The following PTBP3 variants were observed in gnomAD, a reference collection of about 807,000 sequenced individuals.
PTBP3 encodes the protein polypyrimidine tract-binding protein 3.
A neutral mutation model predicts 58.7 loss-of-function variants in PTBP3; 20 were observed. The ratio of observed to expected loss-of-function variants is 0.34; its 90% CI spans 0.24 to 0.50. The LOEUF (loss-of-function observed/expected upper bound fraction) is 0.50. Among genes scored for constraint, PTBP3 ranks in the 20% least tolerant of loss-of-function variants. PTBP3 has a pLI of 0.98. For synonymous variants in PTBP3, 185 were observed against 219.8 expected, an observed-to-expected ratio of 0.84 and a Z score of 1.40; for missense variants, 509 against 637.2, an observed-to-expected ratio of 0.80 and a Z score of 2.17.
chr9:112,378,852 G>A, the PTBP3 span, among the ~76,000 whole-genome samples: 4 of 152,198 alleles, frequency 2.6e-5, no homozygotes, highest in Non-Finnish European at 5.9e-5. Flanking sequence ...AGTCGGGCAG[G>A]TGATATGCAG....
At chr9:112,228,566 C>A in intron 10 of PTBP3, 94 bp from the exon 11 acceptor site, 6 of 770,078 alleles carry the variant, frequency 7.8e-6, no homozygotes, top group South Asian at 2.4e-5. Context: ...ATTTCTTACT[C>A]TCCCTTGGCA....
At chr9:112,377,361 A>G in the PTBP3 span, among the ~76,000 whole-genome samples, 3 of 152,284 alleles carry the variant, frequency 2.0e-5, no homozygotes, top group African/African-American at 7.2e-5. Flanking sequence ...AAAAAACAAA[A>G]CAAAACGAAA....
At position 112,333,500 on chromosome 9, in the gene PTBP3, G is replaced by C; in HGVS notation, c.-82C>G. On this transcript the variant is annotated 5_prime_UTR_variant, in exon 1 of 14. Coordinates refer to ENST00000374257, the MANE Select transcript of PTBP3 (RefSeq NM_001163788.4). ...CATGGCCCAGATGGAGGCGCGCACA[G>C]AGCAGGGACTGACGGGCTAACCGCG... 1 of 1,587,730 alleles carries C rather than the reference G, an allele frequency of 6.3e-7. No homozygotes were observed. The highest frequency in any genetic ancestry group is 8.6e-7 in the Non-Finnish European group (1 of 1,167,438).
At chr9:112,253,637 T>C (rs186811459) in intron 5 of PTBP3, among the ~76,000 whole-genome samples, 5 of 152,182 alleles carry the variant, frequency 3.3e-5, no homozygotes, top group Non-Finnish European at 7.4e-5. Flanking sequence ...ATTCCCCACA[T>C]GTCAAAAGAG....
chr9:112,312,505 A>ATTTT (rs1829532059), intron 1 of PTBP3, among the ~76,000 whole-genome samples: 1 of 148,290 alleles, frequency 6.7e-6, no homozygotes, highest in African/African-American at 2.5e-5. Flanking sequence ...TTTTTTAAAA[A>ATTTT]AAAAAAAAAG....
rs1589800185 is a variant in PTBP3 at position 112,231,948 on chromosome 9, A to T, written c.1020+151T>A. The T allele has an allele frequency of 2.6e-5, 11 of 425,242 alleles. No homozygotes were observed. In the East Asian group the frequency reaches 4.2e-4, roughly 16 times the overall value. 26.3% of individuals were successfully genotyped at this position (425,242 alleles called of 1,614,324 possible). A position where few individuals can be genotyped will look rare whatever the true frequency, so the allele number is the denominator to read the frequency against. On this transcript the variant is annotated intron_variant, in intron 9 of 13. Transcript: ENST00000374257. The stretch of plus-strand genomic sequence containing the variant: ...AGAAGAGAAGAGAAGAGAAGAGAAG[A>T]GAAGAGAAGAGAAGAGAAGAGAGAA...
chr9:112,267,389 G>A (rs1359074190), intron 4 of PTBP3, among the ~76,000 whole-genome samples: 1 of 151,912 alleles, frequency 6.6e-6, no homozygotes, highest in Admixed American at 6.6e-5. Context: ...GGATGGTCTC[G>A]ATCTCCTGAC....
chr9:112,321,800 G>A (rs959551036), intron 1 of PTBP3, among the ~76,000 whole-genome samples: 1 of 151,896 alleles, frequency 6.6e-6, no homozygotes, highest in African/African-American at 2.4e-5. Flanking sequence ...AGTCCTAAGG[G>A]GCCCCCATAC....
chr9:112,330,306 G>A (rs1245728196), intron 1 of PTBP3: 1 of 643,816 alleles, frequency 1.6e-6, no homozygotes, highest in African/African-American at 1.9e-5. Context: ...AGTTACCTCA[G>A]GTCTACTTAT....
chr9:112,340,247 T>A, the PTBP3 span, among the ~76,000 whole-genome samples: 2 of 152,364 alleles, frequency 1.3e-5, no homozygotes, highest in Admixed American at 1.3e-4. Context: ...ACAATCTTCC[T>A]TTTGTTTCTG....
chr9:112,262,305 G>A (rs1213820870), intron 5 of PTBP3, 130 bp downstream of exon 5: 3 of 742,424 alleles, frequency 4.0e-6, no homozygotes, highest in Non-Finnish European at 5.8e-6. Context: ...GAAATTAGAT[G>A]AAGTTTTTTT....
At chr9:112,279,676 C>T (rs180991248) in intron 2 of PTBP3, among the ~76,000 whole-genome samples, 16 of 152,060 alleles carry the variant, frequency 1.1e-4, no homozygotes, top group Middle Eastern at 3.4e-3. Flanking sequence ...AATCTGAACC[C>T]TACAGATTAC....
intron 8 of PTBP3, among the ~76,000 whole-genome samples, chr9:112,233,272 G>GGTGTGTGTGTGT (rs72086685): frequency 6.9e-6 from 1 of 144,302 alleles, no homozygotes; most frequent in South Asian, 2.3e-4. Flanking sequence ...TACACTGTAG[G>GGTGTGTGTGTGT]GTGTGTGTGT....
intron 1 of PTBP3, among the ~76,000 whole-genome samples, chr9:112,303,260 C>T (rs907727863): frequency 6.6e-6 from 1 of 152,166 alleles, no homozygotes; most frequent in African/African-American, 2.4e-5. Context: ...GATAAAATGG[C>T]ACCACATCCT....
Position 112,281,889 on chromosome 9 carries a change from G to A in PTBP3, c.35-5876C>T, listed in dbSNP as rs139014829. On this transcript the variant is annotated intron_variant, in intron 2 of 13. Coordinates refer to ENST00000374257, the MANE Select transcript of PTBP3 (RefSeq NM_001163788.4). ...CTACCACACAAAATACTACAGATTGGGTGGCTTAAACAAGAAAAATTTATG... is the reference window on the plus strand; with the variant it reads ...CTACCACACAAAATACTACAGATTGAGTGGCTTAAACAAGAAAAATTTATG... 1.7e-3 allele frequency among the ~76,000 whole-genome samples: 255 copies of A among 152,204 alleles called. 1 individual carries two copies. Among genetic ancestry groups the A allele is most frequent in the South Asian group, 4.8e-3 (23 of 4,812 alleles).
intron 1 of PTBP3, among the ~76,000 whole-genome samples, chr9:112,322,026 T>C (rs1214138879): frequency 3.3e-5 from 5 of 149,932 alleles, no homozygotes; most frequent in Admixed American, 2.0e-4. Context: ...TCTCAGCTAC[T>C]TGGGAGGCTG....
intron 5 of PTBP3, among the ~76,000 whole-genome samples, chr9:112,260,345 G>A (rs533650774): frequency 1.3e-5 from 2 of 152,324 alleles, no homozygotes; most frequent in African/African-American, 4.8e-5. Flanking sequence ...AATAGAAGGG[G>A]TAAGTTACTT....
At chr9:112,247,267 A>ATAAT (rs1835919164) in intron 7 of PTBP3, among the ~76,000 whole-genome samples, 2 of 98,662 alleles carry the variant, frequency 2.0e-5, no homozygotes, top group African/African-American at 3.7e-5. Context: ...CCCTGTTTCA[A>ATAAT]TAATAAATAA....
chr9:112,276,732 C>A (rs1055430927), intron 2 of PTBP3, among the ~76,000 whole-genome samples: 2 of 152,056 alleles, frequency 1.3e-5, no homozygotes, highest in African/African-American at 2.4e-5. Flanking sequence ...TGGAGAATTA[C>A]TGCTGTAAAG....
Sources: gnomAD v4.1 joint callset for allele counts (sites outside exome capture counted in the v4.1 genomes callset) on GRCh38, gnomAD v4.1.1 for gene constraint, MANE v1.5 for transcripts, NCBI Gene and HGNC (gene_info 2026-07-23, HGNC 2026-07-21) for gene names.